The following VWA5B1 variants were observed in gnomAD, a reference collection of about 807,000 sequenced individuals.
VWA5B1 encodes the protein von Willebrand factor A domain-containing protein 5B1.
In VWA5B1, 115 loss-of-function variants were observed where a neutral mutation model predicts 118.2. The observed-to-expected ratio is 0.97, with a 90% CI of 0.84 to 1.14. The LOEUF is 1.14. Among genes scored for constraint, VWA5B1 ranks in the 50% most tolerant of loss-of-function variants. The probability of loss-of-function intolerance (pLI) is 0.00; values close to 1 mark genes in which losing one functional copy is unlikely to be tolerated. For synonymous variants in VWA5B1, 682 were observed against 658.4 expected, an observed-to-expected ratio of 1.04 and a Z score of -0.55; for missense variants, 1,596 against 1,603.8, an observed-to-expected ratio of 1.00 and a Z score of 0.08.
At position 20,348,296 on chromosome 1, in the gene VWA5B1, G is replaced by A. The variant is rs749827062; in HGVS notation, c.2816G>A (p.Gly939Asp). The A allele has an allele frequency of 2.1e-5, 32 of 1,551,566 alleles. No homozygotes were observed. Among genetic ancestry groups the A allele is most frequent in the Non-Finnish European group, 2.7e-5 (31 of 1,147,016 alleles). Residue 939 changes from glycine (G) to aspartate (D), a missense_variant, in exon 18 of 22, where the codon GGC (glycine) becomes GAC (aspartate). Transcript: ENST00000289815. ...CGGGCCCTGGCCCAACAGTGGAGGG[G>A]CACCTCTTCTGGCTTTGGAAGGCCG... ...GSRALAQQWR[G>D]TSSGFGRPQT...
intron 1 of VWA5B1, among the ~76,000 whole-genome samples, chr1:20,299,178 C>G (rs958596013): frequency 1.3e-5 from 2 of 152,136 alleles, no homozygotes; most frequent in Non-Finnish European, 2.9e-5. Context: ...AAAACCCTGC[C>G]TCCTTAAACC....
At chr1:20,313,693 C>T (rs952679206) in intron 3 of VWA5B1, among the ~76,000 whole-genome samples, 15 of 152,216 alleles carry the variant, frequency 9.9e-5, no homozygotes, top group Admixed American at 5.2e-4. Context: ...AGTTTGTTCA[C>T]GTGGTTATTA....
At position 20,352,055 on chromosome 1, in the gene VWA5B1, G is replaced by A. The variant is rs1374154475; in HGVS notation, c.3024G>A (p.Trp1008Ter). The A allele has an allele frequency of 6.4e-7, 1 of 1,550,750 alleles. No homozygotes were observed. The highest frequency in any genetic ancestry group is 2.0e-5 in the Admixed American group (1 of 50,932). The change falls in exon 21 of 22, where the codon TGG becomes TGA. Residue 1008 changes from tryptophan (W) to a stop codon, truncating the protein, a stop_gained and splice_region_variant. Transcript: ENST00000289815. LOFTEE classifies it high-confidence loss of function. ...MKASENLFGS[W>*]LNLNKSRLLT... ...GGGCCACCTGACTTCACCTGCACAGGCTAAATCTCAACAAGTCCAGGCTAC... is the reference window on the plus strand; with the variant it reads ...GGGCCACCTGACTTCACCTGCACAGACTAAATCTCAACAAGTCCAGGCTAC...
At chr1:20,330,736 C>T (rs1043388954) in intron 10 of VWA5B1, 133 bp from the exon 11 acceptor site, 9 of 905,128 alleles carry the variant, frequency 9.9e-6, no homozygotes, top group Admixed American at 8.3e-5. Flanking sequence ...CCTCTTCCTT[C>T]TCCCTCTCCC....
At chr1:20,336,531 A>G in intron 13 of VWA5B1, 45 bp downstream of exon 13, 1 of 1,316,608 alleles carries the variant, frequency 7.6e-7, no homozygotes, top group Non-Finnish European at 9.8e-7. Flanking sequence ...TTGAGCACTT[A>G]CTATGTGCTA....
chr1:20,345,824 C>T (rs1250703431), intron 17 of VWA5B1, among the ~76,000 whole-genome samples: 1 of 152,208 alleles, frequency 6.6e-6, no homozygotes, highest in Non-Finnish European at 1.5e-5. Flanking sequence ...CTTTTCTCCA[C>T]CAGGTGAAAA....
chr1:20,304,249 G>A (rs1036684167), intron 1 of VWA5B1, among the ~76,000 whole-genome samples: 1 of 152,160 alleles, frequency 6.6e-6, no homozygotes, highest in Non-Finnish European at 1.5e-5. Context: ...GGAGGAGAGC[G>A]TGTCTGATGG....
intron 5 of VWA5B1, 73 bp from the exon 6 acceptor site, chr1:20,318,517 G>T (rs1478149357): frequency 7.8e-6 from 12 of 1,540,316 alleles, no homozygotes; most frequent in Middle Eastern, 3.3e-4. Context: ...CTGGATCTCG[G>T]TGTGCCCCAG....
chr1:20,334,704 G>C (rs1365323046), intron 12 of VWA5B1, among the ~76,000 whole-genome samples: 1 of 152,032 alleles, frequency 6.6e-6, no homozygotes. Context: ...CCAGCTACTC[G>C]GGAGGCTGAG....
rs1212018786 is a variant in VWA5B1, at chr1:20,343,082, C to T, written c.2315C>T (p.Pro772Leu). 1 of 1,514,938 alleles carries T rather than the reference C, an allele frequency of 6.6e-7. No individual in the cohort carries two copies. The highest frequency in any genetic ancestry group is 8.9e-7 in the Non-Finnish European group (1 of 1,125,238). The allele number at this position is 1,514,938 out of a possible 1,614,324, so 93.8% of individuals were successfully genotyped here. The change falls in exon 16 of 22, where the codon CCG (proline) becomes CTG (leucine). Residue 772 changes from proline (P) to leucine (L), a missense_variant. Pro to Leu is a moderately conservative substitution (Grantham distance 98, BLOSUM62 -3). Transcript: ENST00000289815. The stretch of plus-strand genomic sequence containing the variant: ...CCACTTGTCCCTCTGCCCGCAGAGC[C>T]GTCCCACCATCCCTCTGCCTTCGAG... ...SDSRSPGDLE[P>L]SHHPSAFETE... is the part of the protein sequence containing the mutation.
At chr1:20,330,507 T>A in intron 10 of VWA5B1, 125 bp downstream of exon 10, 1 of 1,195,014 alleles carries the variant, frequency 8.4e-7, no homozygotes, top group Non-Finnish European at 1.2e-6. Flanking sequence ...CAAAGGGCTT[T>A]GCTTCCAAGA....
chr1:20,317,686 G>A lies in VWA5B1; in HGVS notation c.709+11G>A. On this transcript the variant is annotated intron_variant, in intron 5 of 21. Coordinates refer to ENST00000289815, the MANE Select transcript of VWA5B1 (RefSeq NM_001039500.3). ...CATGTCTGCTCGCAGGTGAGAGGGA[G>A]ACATCCAGACGGGATGGGTGAGCTT... 1 of 1,549,024 alleles carries A rather than the reference G, an allele frequency of 6.5e-7. No individual in the cohort carries two copies. Among genetic ancestry groups the A allele is most frequent in the Non-Finnish European group, 8.7e-7 (1 of 1,145,574 alleles).
chr1:20,311,965 C>A (rs544642804), intron 2 of VWA5B1, among the ~76,000 whole-genome samples: 1 of 152,336 alleles, frequency 6.6e-6, no homozygotes. Flanking sequence ...AGCCCTTTGG[C>A]TTTCCACGTG....
rs953206800 is a variant in VWA5B1 at position 20,358,049 on chromosome 1, C to T, written c.*3786C>T. 2.6e-5 allele frequency among the ~76,000 whole-genome samples: 4 copies of T among 152,212 alleles called. No homozygotes were observed. Among genetic ancestry groups the T allele is most frequent in the African/African-American group, 9.7e-5 (4 of 41,448 alleles). ...AGATGCCAGGATAACTGGGCCCCAT[C>T]CTTTGGCAGACTTACACTGGACTTG... On this transcript the variant is annotated 3_prime_UTR_variant, in exon 22 of 22. Coordinates refer to ENST00000289815, the MANE Select transcript of VWA5B1 (RefSeq NM_001039500.3).
intron 1 of VWA5B1, among the ~76,000 whole-genome samples, chr1:20,304,388 A>T (rs2088584959): frequency 6.6e-6 from 1 of 152,114 alleles, no homozygotes; most frequent in South Asian, 2.1e-4. Flanking sequence ...GCATGATGAG[A>T]GGGTCAGTGT....
Position 20,343,698 on chromosome 1 carries a change from C to T in VWA5B1, c.2626+305C>T, listed in dbSNP as rs1557442992. Among the ~76,000 whole-genome samples the T allele has an allele frequency of 2.5e-5, 3 of 119,150 alleles. No homozygotes were observed. In the East Asian group the frequency reaches 7.5e-4, roughly 30 times the overall value. 78.2% of individuals were successfully genotyped at this position (119,150 alleles called of 152,430 possible). A position where few individuals can be genotyped will look rare whatever the true frequency, so the allele number is the denominator to read the frequency against. ...ATGGCCCGCCCACCCCGCCACTCCC[C>T]GCCATAGCCCGTCCCCACCTCCATG... is the stretch of plus-strand genomic sequence containing the variant. On this transcript the variant is annotated intron_variant, in intron 16 of 21. Transcript: ENST00000289815.
In VWA5B1 at chr1:20,337,755, A is replaced by T; in HGVS notation, c.2052A>T (p.Arg684Ser). ...GTGACCCCATGCCAGCTGCCAAGAG[A>T]TACCCACTGCGGAAAGCCAGGCTGC... The part of the protein sequence containing the change: ...MASDPMPAAK[R>S]YPLRKARLQD... Residue 684 changes from arginine to serine, a missense_variant, in exon 14 of 22, where the codon AGA (arginine) becomes AGT (serine). Arg to Ser is a moderately radical substitution (Grantham distance 110). Coordinates refer to ENST00000289815, the MANE Select transcript of VWA5B1 (RefSeq NM_001039500.3). The T allele has an allele frequency of 6.4e-7, 1 of 1,551,788 alleles. No individual in the cohort carries two copies. The highest frequency in any genetic ancestry group is 8.7e-7 in the Non-Finnish European group (1 of 1,147,006).
rs116200366 is a variant in VWA5B1 at position 20,346,939 on chromosome 1, G to A, written c.2765-1306G>A. ...CTCAACTGTTGTCATTTCAGGCAAT[G>A]GAGTGGCCATTTAATCAGGCTGTTC... On this transcript the variant is annotated intron_variant, in intron 17 of 21. Coordinates refer to ENST00000289815, the MANE Select transcript of VWA5B1 (RefSeq NM_001039500.3). 3.9e-3 allele frequency among the ~76,000 whole-genome samples: 590 copies of A among 152,262 alleles called. 1 individual carries two copies. Among genetic ancestry groups the A allele is most frequent in the Non-Finnish European group, 6.7e-3 (454 of 68,014 alleles).
chr1:20,353,919 T>C lies in VWA5B1; in HGVS notation c.3304T>C (p.Cys1102Arg). 5 of 1,549,440 alleles carry C rather than the reference T, an allele frequency of 3.2e-6. No individual in the cohort carries two copies. Among genetic ancestry groups the C allele is most frequent in the Non-Finnish European group, 4.4e-6 (5 of 1,145,580 alleles). Residue 1102 changes from cysteine (C) to arginine (R), a missense_variant, in exon 22 of 22, where the codon TGC becomes CGC. Coordinates refer to ENST00000289815, the MANE Select transcript of VWA5B1 (RefSeq NM_001039500.3). ...SESKTPSPQL[C>R]TSSPPRHPSC... ...GTCCAAGACCCCGAGTCCCCAGCTGTGCACCAGCTCCCCGCCTAGGCACCC... is the reference window on the plus strand; with the variant it reads ...GTCCAAGACCCCGAGTCCCCAGCTGCGCACCAGCTCCCCGCCTAGGCACCC...
Sources: allele counts gnomAD v4.1 joint callset (sites outside exome capture counted in the v4.1 genomes callset), GRCh38; gene constraint gnomAD v4.1.1; transcripts MANE v1.5; gene names NCBI Gene and HGNC (gene_info 2026-07-23, HGNC 2026-07-21).